Variants in ASB4 observed in about 807,000 individuals in gnomAD.
The protein encoded by ASB4 is ankyrin repeat and SOCS box containing 4, also known as ankyrin repeat and SOCS box protein 4.
A neutral mutation model predicts 38.6 loss-of-function variants in ASB4; 35 were observed. That is an observed-to-expected ratio of 0.91 (90% CI 0.69 to 1.20). The LOEUF (loss-of-function observed/expected upper bound fraction) is 1.20. Ranked by LOEUF, ASB4 falls within the 50% of genes most tolerant of loss-of-function variation. The pLI, the probability that ASB4 is intolerant of heterozygous loss-of-function variation, is 0.00. For synonymous variants in ASB4, 195 were observed against 201.3 expected, an observed-to-expected ratio of 0.97 and a Z score of 0.26; for missense variants, 557 against 527.2, an observed-to-expected ratio of 1.06 and a Z score of -0.55.
At chr7:95,481,996 G>A (rs561843418), upstream of ASB4, among the ~76,000 whole-genome samples, 5 of 152,260 alleles carry the variant, frequency 3.3e-5, no homozygotes, top group South Asian at 2.1e-4. Flanking sequence ...GAGTTGAAGC[G>A]GTGGCTTGGA....
At chr7:95,490,950 C>T (rs62467676) in intron 1 of ASB4, among the ~76,000 whole-genome samples, 6,508 of 152,246 alleles carry the variant, frequency 0.043, 172 homozygotes, top group South Asian at 0.074. Flanking sequence ...GGATCATAGA[C>T]GGCTATTTAA....
chr7:95,536,392 C>A, intron 3 of ASB4, 45 bp from the exon 4 acceptor site: 1 of 1,231,524 alleles, frequency 8.1e-7, no homozygotes, highest in South Asian at 1.2e-5. Context: ...ATGAATGAAC[C>A]ATATATGTGC....
At chr7:95,522,832 G>T (rs910283770) in intron 2 of ASB4, among the ~76,000 whole-genome samples, 1 of 152,062 alleles carries the variant, frequency 6.6e-6, no homozygotes, top group Non-Finnish European at 1.5e-5. Context: ...TCTTTATCAT[G>T]CAGAGAAAAT....
At chr7:95,474,830 A>T (rs1356705278), upstream of ASB4, among the ~76,000 whole-genome samples, 1 of 152,182 alleles carries the variant, frequency 6.6e-6, no homozygotes, top group African/African-American at 2.4e-5. Context: ...TCTAAAAATT[A>T]GTTTTTATAT....
At chr7:95,520,625 A>G (rs966448565) in intron 2 of ASB4, among the ~76,000 whole-genome samples, 1 of 149,414 alleles carries the variant, frequency 6.7e-6, no homozygotes, top group African/African-American at 2.5e-5. Flanking sequence ...GAAATTAAAC[A>G]CACACTCCCA....
chr7:95,513,285 C>G (rs1585808471), intron 2 of ASB4, among the ~76,000 whole-genome samples: 1 of 51,166 alleles, frequency 2.0e-5, no homozygotes. Context: ...AGAAATCGAG[C>G]CAATAGAATG....
intron 3 of ASB4, among the ~76,000 whole-genome samples, chr7:95,531,868 T>G (rs1388549322): frequency 1.3e-5 from 2 of 152,204 alleles, no homozygotes; most frequent in Non-Finnish European, 2.9e-5. Context: ...GGCATACAAT[T>G]TTGTGTTCCA....
intron 2 of ASB4, among the ~76,000 whole-genome samples, chr7:95,504,964 C>T (rs1400518299): frequency 1.3e-5 from 2 of 152,196 alleles, no homozygotes; most frequent in African/African-American, 2.4e-5. Context: ...TCATACCACA[C>T]TTCAGGAAAC....
At chr7:95,496,477 A>C (rs12538293) in intron 2 of ASB4, among the ~76,000 whole-genome samples, 13,549 of 152,198 alleles carry the variant, frequency 0.089, 989 homozygotes, top group East Asian at 0.37. Flanking sequence ...ATGAATGAGG[A>C]TGTCAGAAGT....
the ASB4 span, among the ~76,000 whole-genome samples, chr7:95,545,287 G>A: frequency 5.3e-5 from 8 of 152,084 alleles, no homozygotes; most frequent in Non-Finnish European, 5.9e-5. Flanking sequence ...AAGGTAAATA[G>A]GTATTCTATG....
upstream of ASB4, among the ~76,000 whole-genome samples, chr7:95,477,333 G>T (rs1165117470): frequency 3.0e-4 from 46 of 152,252 alleles, no homozygotes; most frequent in Non-Finnish European, 2.2e-4. Flanking sequence ...TAAAATATTT[G>T]CCAAAGGGTC....
At chr7:95,528,596 T>C in intron 3 of ASB4, 1 of 1,375,476 alleles carries the variant, frequency 7.3e-7, no homozygotes, top group South Asian at 1.9e-5. Flanking sequence ...GAGGTAAGTC[T>C]GCCAGAAAGG....
chr7:95,519,426 T>C (rs992275577), intron 2 of ASB4, among the ~76,000 whole-genome samples: 2 of 152,166 alleles, frequency 1.3e-5, no homozygotes, highest in Admixed American at 6.5e-5. Flanking sequence ...TAGTGAGTGC[T>C]CAAAAAAGAG....
chr7:95,520,443 C>A lies in ASB4; in HGVS notation c.488-7370C>A, dbSNP rs541912517. Among the ~76,000 whole-genome samples, 139 of 152,240 alleles carry A rather than the reference C, an allele frequency of 9.1e-4. 1 individual carries two copies. The highest frequency in any genetic ancestry group is 3.4e-3 in the Middle Eastern group (1 of 294). ...AAAATAATGCTCTGTTGTTTCAGAT[C>A]TCATAGAAGGCTTGGCTAAAAATGT... On this transcript the variant is annotated intron_variant, in intron 2 of 4. Transcript: ENST00000325885.
At position 95,537,825 on chromosome 7, in the gene ASB4, C is replaced by A. The variant is rs1790917459; in HGVS notation, c.*66C>A. 5 of 1,425,138 alleles carry A rather than the reference C, an allele frequency of 3.5e-6. No individual in the cohort carries two copies. The highest frequency in any genetic ancestry group is 4.8e-6 in the Non-Finnish European group (5 of 1,039,526). 88.3% of individuals were successfully genotyped at this position (1,425,138 alleles called of 1,614,324 possible). On this transcript the variant is annotated 3_prime_UTR_variant, in exon 5 of 5. Coordinates refer to ENST00000325885, the MANE Select transcript of ASB4 (RefSeq NM_016116.3). ...GGACTTGCTGGGTAGACACAGTTTG[C>A]CTAAATAAAATGGTACTTGGGTTGA...
chr7:95,499,931 T>G (rs1790309983), intron 2 of ASB4, among the ~76,000 whole-genome samples: 2 of 130,764 alleles, frequency 1.5e-5, no homozygotes, highest in African/African-American at 5.9e-5. Context: ...TGGAGTGCAG[T>G]GGTGCGATCT....
chr7:95,533,933 A>G (rs1790853435), intron 3 of ASB4, among the ~76,000 whole-genome samples: 2 of 152,228 alleles, frequency 1.3e-5, no homozygotes, highest in South Asian at 2.1e-4. Flanking sequence ...TATCTTTTCC[A>G]TTTATACCCA....
At chr7:95,480,478 T>A (rs1441485650) in intron 1 of ASB4, among the ~76,000 whole-genome samples, 1 of 152,198 alleles carries the variant, frequency 6.6e-6, no homozygotes, top group African/African-American at 2.4e-5. Flanking sequence ...ATAGAAACAG[T>A]GGTATATGAC....
downstream of ASB4, chr7:95,542,851 T>C (rs929952241): frequency 6.6e-6 from 1 of 152,264 alleles, no homozygotes; most frequent in Non-Finnish European, 1.5e-5. Context: ...ATAACCACTC[T>C]GCAAATATAT....
Sources: allele counts gnomAD v4.1 joint callset (sites outside exome capture counted in the v4.1 genomes callset), GRCh38; gene constraint gnomAD v4.1.1; transcripts MANE v1.5; gene names NCBI Gene and HGNC (gene_info 2026-07-23, HGNC 2026-07-21).